Variants in SORCS2 observed in about 807,000 individuals in gnomAD.
SORCS2 encodes sortilin related VPS10 domain containing receptor 2.
In SORCS2, 100 loss-of-function variants were observed where a neutral mutation model predicts 141.6. That is an observed-to-expected ratio of 0.71 (90% CI 0.60 to 0.83). SORCS2 has a LOEUF of 0.83. SORCS2 is among the 40% of genes least tolerant of loss of function. SORCS2 has a pLI of 0.00. For missense variants in SORCS2, 1,646 were observed against 1,560.2 expected (o/e 1.05, Z -0.93); for synonymous variants, 789 against 676.9 (o/e 1.17, Z -2.57).
chr4:7,488,250 G>A (rs541090952), intron 2 of SORCS2, among the ~76,000 whole-genome samples: 1 of 152,190 alleles, frequency 6.6e-6, no homozygotes, highest in Admixed American at 6.5e-5. Context: ...TTTTGCAGTT[G>A]CCAAGGCATT....
intron 3 of SORCS2, among the ~76,000 whole-genome samples, chr4:7,575,029 G>A (rs1331943517): frequency 6.6e-6 from 1 of 152,140 alleles, no homozygotes; most frequent in African/African-American, 2.4e-5. Flanking sequence ...AATATGAGAG[G>A]GTCTCTGCTA....
rs139106146 is a variant in SORCS2, at chr4:7,451,320, C to G, written c.548+54965C>G. Among the ~76,000 whole-genome samples, 1,127 of 152,338 alleles carry G rather than the reference C, an allele frequency of 7.4e-3. 18 individuals carry two copies. The highest frequency in any genetic ancestry group is 0.026 in the African/African-American group (1,070 of 41,572). ...GGCAGTGGGGCCTGGTCTCTGGGAG[C>G]CCCTGCCACACCCCAGCTGGGAGCC... On this transcript the variant is annotated intron_variant, in intron 2 of 26. Coordinates refer to ENST00000507866, the MANE Select transcript of SORCS2 (RefSeq NM_020777.3).
intron 19 of SORCS2, 149 bp downstream of exon 19, chr4:7,724,032 G>A (rs1461625113): frequency 4.4e-6 from 4 of 912,416 alleles, no homozygotes; most frequent in Non-Finnish European, 6.4e-6. Flanking sequence ...AGGGAGGCTG[G>A]GCTCAAACCC....
At chr4:7,712,654 A>G (rs1224765820) in intron 14 of SORCS2, 79 bp from the exon 15 acceptor site, 14 of 1,584,392 alleles carry the variant, frequency 8.8e-6, no homozygotes, top group Non-Finnish European at 1.2e-5. Context: ...AACAGAGTCC[A>G]GAGGGGACAT....
rs565326949 is a variant in SORCS2, at chr4:7,280,569, T to A, written c.480+87443T>A. Among the ~76,000 whole-genome samples the A allele has an allele frequency of 7.2e-5, 11 of 152,202 alleles. No homozygotes were observed. In the South Asian group the frequency reaches 1.7e-3, roughly 23 times the overall value. On this transcript the variant is annotated intron_variant, in intron 1 of 26. Transcript: ENST00000507866. Reference sequence around the variant, plus strand: ...CTGTCATTCTGGGAGGGCCAGTGTTTAGACATGATGTTTGGATGGCGTGGT... The same window carrying A: ...CTGTCATTCTGGGAGGGCCAGTGTTAAGACATGATGTTTGGATGGCGTGGT...
At chr4:7,468,537 C>G (rs907971674) in intron 2 of SORCS2, among the ~76,000 whole-genome samples, 5 of 152,228 alleles carry the variant, frequency 3.3e-5, no homozygotes, top group African/African-American at 1.2e-4. Flanking sequence ...CCTCATGGTT[C>G]TGGGTGCAGT....
chr4:7,458,902 G>T (rs896627198), intron 2 of SORCS2, among the ~76,000 whole-genome samples: 7 of 152,176 alleles, frequency 4.6e-5, no homozygotes, highest in African/African-American at 1.7e-4. Flanking sequence ...GGAGAAAAGG[G>T]TATAACTGGC....
intron 2 of SORCS2, among the ~76,000 whole-genome samples, chr4:7,523,076 C>T (rs1276740050): frequency 6.7e-6 from 1 of 148,790 alleles, no homozygotes; most frequent in Non-Finnish European, 1.5e-5. Flanking sequence ...CCCTTTCCTT[C>T]CTCTTCCCAT....
chr4:7,547,458 C>T (rs949736273), intron 3 of SORCS2, among the ~76,000 whole-genome samples: 2 of 152,252 alleles, frequency 1.3e-5, no homozygotes, highest in Admixed American at 1.3e-4. Flanking sequence ...GCTGTGCCTG[C>T]TCACCTCTGC....
intron 2 of SORCS2, among the ~76,000 whole-genome samples, chr4:7,464,096 G>A (rs1729469700): frequency 6.6e-6 from 1 of 152,186 alleles, no homozygotes; most frequent in Non-Finnish European, 1.5e-5. Flanking sequence ...GCTAAGAGCT[G>A]GATGCCGCAG....
intron 1 of SORCS2, among the ~76,000 whole-genome samples, chr4:7,394,167 C>T (rs774007213): frequency 3.3e-5 from 5 of 152,202 alleles, no homozygotes; most frequent in Non-Finnish European, 7.4e-5. Context: ...GGAAGGAGTG[C>T]GGTGGTGGTG....
intron 2 of SORCS2, among the ~76,000 whole-genome samples, chr4:7,479,064 A>G (rs907052125): frequency 1.3e-5 from 2 of 152,196 alleles, no homozygotes; most frequent in Non-Finnish European, 2.9e-5. Context: ...TGTGTTCCTC[A>G]TGGCAATGGC....
chr4:7,511,298 AGATG>A (rs1396715167), intron 2 of SORCS2, among the ~76,000 whole-genome samples: 1 of 151,054 alleles, frequency 6.6e-6, no homozygotes, highest in Non-Finnish European at 1.5e-5. Context: ...AGAAGGAGGG[AGATG>A]GATGGGAGGG....
intron 1 of SORCS2, among the ~76,000 whole-genome samples, chr4:7,276,069 A>G (rs949986045): frequency 6.6e-6 from 1 of 152,104 alleles, no homozygotes; most frequent in Non-Finnish European, 1.5e-5. Context: ...CAGTTACTGG[A>G]AGGTAACACA....
chr4:7,262,335 TATCC>T (rs111342775), intron 1 of SORCS2, among the ~76,000 whole-genome samples: 15,185 of 144,686 alleles, frequency 0.1, 2,451 homozygotes, highest in African/African-American at 0.35. Context: ...TCCATCCATC[TATCC>T]ATCCATCCAT....
chr4:7,637,323 T>C (rs1279106212), intron 3 of SORCS2, among the ~76,000 whole-genome samples: 1 of 146,060 alleles, frequency 6.8e-6, no homozygotes, highest in Non-Finnish European at 1.5e-5. Context: ...GGGCCTGCCC[T>C]GAGTTCCCTG....
At chr4:7,404,001 T>A (rs1274353204) in intron 2 of SORCS2, among the ~76,000 whole-genome samples, 426 of 33,130 alleles carry the variant, frequency 0.013, 3 homozygotes, top group African/African-American at 0.059. Context: ...ATATATATTT[T>A]TTTTTTTTTT....
chr4:7,203,088 C>T (rs1727560803), intron 1 of SORCS2, among the ~76,000 whole-genome samples: 1 of 152,188 alleles, frequency 6.6e-6, no homozygotes. Flanking sequence ...TAGTGAGGAT[C>T]TGAGCTGTGG....
chr4:7,375,336 A>G (rs926808938), intron 1 of SORCS2, among the ~76,000 whole-genome samples: 1 of 152,238 alleles, frequency 6.6e-6, no homozygotes, highest in Non-Finnish European at 1.5e-5. Context: ...TTCTAGAATC[A>G]TCAAGGCAGC....
Sources: gnomAD v4.1 joint callset for allele counts (sites outside exome capture counted in the v4.1 genomes callset) on GRCh38, gnomAD v4.1.1 for gene constraint, MANE v1.5 for transcripts, NCBI Gene and HGNC (gene_info 2026-07-23, HGNC 2026-07-21) for gene names.